ZNF700: variants seen among roughly 807,000 people sequenced by gnomAD.
The protein encoded by ZNF700 is zinc finger protein 700.
ZNF700 carries 38 observed loss-of-function variants against 65.3 expected under a neutral mutation model. The ratio of observed to expected loss-of-function variants is 0.58; its 90% CI spans 0.45 to 0.76. ZNF700 has a LOEUF of 0.76. Ranked by LOEUF, ZNF700 falls within the 30% of genes least tolerant of loss-of-function variation. The probability of loss-of-function intolerance (pLI) is 0.00; values close to 1 mark genes in which losing one functional copy is unlikely to be tolerated. For synonymous variants in ZNF700, 285 were observed against 290.4 expected (o/e 0.98, Z 0.19); for missense variants, 857 against 888.4 (o/e 0.96, Z 0.45).
At chr19:11,929,641 C>A (rs903513033) in intron 1 of ZNF700, among the ~76,000 whole-genome samples, 3 of 148,046 alleles carry the variant, frequency 2.0e-5, no homozygotes, top group Non-Finnish European at 2.9e-5. Context: ...GGACACTACA[C>A]ACAGTTCAGT....
At chr19:11,940,807 G>C (rs896559064) in intron 1 of ZNF700, among the ~76,000 whole-genome samples, 1 of 152,132 alleles carries the variant, frequency 6.6e-6, no homozygotes, top group Non-Finnish European at 1.5e-5. Context: ...CAATCCCTGA[G>C]CTAGACACAA....
intron 1 of ZNF700, among the ~76,000 whole-genome samples, chr19:11,931,691 A>T (rs1410940504): frequency 6.7e-6 from 1 of 148,430 alleles, no homozygotes; most frequent in African/African-American, 2.6e-5. Context: ...GTGATACTTA[A>T]TCTCCTTTTA....
chr19:11,930,456 A>G (rs548626309), intron 1 of ZNF700, among the ~76,000 whole-genome samples: 30 of 148,512 alleles, frequency 2.0e-4, no homozygotes, highest in Non-Finnish European at 4.0e-4. Flanking sequence ...GTTGAGTTTG[A>G]GTAAAGTTTA....
At chr19:11,935,895 C>G (rs1972788109) in intron 1 of ZNF700, among the ~76,000 whole-genome samples, 1 of 152,148 alleles carries the variant, frequency 6.6e-6, no homozygotes, top group Admixed American at 6.5e-5. Context: ...GTGTGATGTT[C>G]CCTGCCCTGT....
intron 3 of ZNF700, 47 bp from the exon 4 acceptor site, chr19:11,948,229 A>G: frequency 6.3e-7 from 1 of 1,578,942 alleles, no homozygotes; most frequent in East Asian, 2.2e-5. Context: ...TTAATATAGA[A>G]GTACTTGTAA....
chr19:11,941,089 C>T (rs1425616417), intron 1 of ZNF700, among the ~76,000 whole-genome samples: 2 of 152,226 alleles, frequency 1.3e-5, no homozygotes, highest in Non-Finnish European at 2.9e-5. Context: ...CATTCACAAA[C>T]CCTGAGCTAG....
chr19:11,947,630 G>A, intron 3 of ZNF700, 56 bp downstream of exon 3: 1 of 1,446,642 alleles, frequency 6.9e-7, no homozygotes, highest in Non-Finnish European at 9.6e-7. Flanking sequence ...TAGAATATGA[G>A]AATATGTTGA....
In ZNF700 at chr19:11,948,405, C is replaced by A. The variant is rs371245717; in HGVS notation, c.381C>A (p.Asp127Glu). The A allele has an allele frequency of 2.5e-6, 4 of 1,614,052 alleles. No individual in the cohort carries two copies. Among genetic ancestry groups the A allele is most frequent in the Admixed American group, 3.3e-5 (2 of 60,016 alleles). ...KKASPEVKSC[D>E]SFVCAEVGIG... is the part of the protein sequence containing the mutation. ...CTTCTCCTGAAGTAAAATCATGTGA[C>A]AGCTTTGTGTGTGCAGAAGTTGGCA... Residue 127 changes from aspartate to glutamate, a missense_variant, in exon 4 of 4, where the codon GAC (aspartate) becomes GAA (glutamate). Transcript: ENST00000254321.
chr19:11,932,264 A>T (rs1174741725), intron 1 of ZNF700, among the ~76,000 whole-genome samples: 3 of 148,278 alleles, frequency 2.0e-5, no homozygotes, highest in Non-Finnish European at 4.4e-5. Context: ...GGATCTGTTG[A>T]GCCTAGGAGT....
chr19:11,938,818 T>C (rs1939681778), intron 1 of ZNF700, among the ~76,000 whole-genome samples: 1 of 152,160 alleles, frequency 6.6e-6, no homozygotes, highest in Non-Finnish European at 1.5e-5. Context: ...TCCACAATGG[T>C]TGAACTAGTT....
In ZNF700 at chr19:11,930,791, A is replaced by G. The variant is rs536460337; in HGVS notation, c.63+5518A>G. On this transcript the variant is annotated intron_variant, in intron 1 of 3. Transcript: ENST00000254321. ...TGAGACTGGCATATCACCTGAGGTC[A>G]GGAGTTTGAGACCAGCCTGACCAAT... Among the ~76,000 whole-genome samples the G allele has an allele frequency of 2.0e-4, 29 of 148,162 alleles. 1 individual carries two copies. The highest frequency in any genetic ancestry group is 3.4e-3 in the Middle Eastern group (1 of 294).
chr19:11,945,713 C>T (rs944921728), intron 1 of ZNF700, among the ~76,000 whole-genome samples: 1 of 152,024 alleles, frequency 6.6e-6, no homozygotes, highest in Non-Finnish European at 1.5e-5. Context: ...GTCTTCATTC[C>T]TCCTCCTGGG....
chr19:11,948,317 G>A lies in ZNF700; in HGVS notation c.293G>A (p.Ser98Asn), dbSNP rs548010602. ...AAAGTCAATGAAATTAAAGAAGACA[G>A]TCATTGTGGAGAAACTTTTACCCAG... ...EEKVNEIKED[S>N]HCGETFTQVP... The change falls in exon 4 of 4, where the codon AGT becomes AAT. Residue 98 changes from serine (S) to asparagine (N), a missense_variant. Coordinates refer to ENST00000254321, the MANE Select transcript of ZNF700 (RefSeq NM_144566.3). 1.2e-6 allele frequency: 2 copies of A among 1,613,814 alleles called. No individual in the cohort carries two copies. Among genetic ancestry groups the A allele is most frequent in the South Asian group, 1.1e-5 (1 of 91,050 alleles).
Position 11,949,188 on chromosome 19 carries a change from A to G in ZNF700, c.1164A>G (p.Lys388=), listed in dbSNP as rs757258773. The change falls in exon 4 of 4, where the codon AAA becomes AAG. Residue 388 remains lysine (K), a synonymous_variant. Coordinates refer to ENST00000254321, the MANE Select transcript of ZNF700 (RefSeq NM_144566.3). The part of the protein sequence containing the change: ...QTHEKTHTGE[K]RYKCKQCGKA... ...ATGAAAAAACTCACACTGGAGAGAA[A>G]CGCTATAAATGCAAGCAATGTGGTA... 6.2e-6 allele frequency: 10 copies of G among 1,613,152 alleles called. No individual in the cohort carries two copies. The African/African-American group carries it at 9.4e-5, about 15-fold the overall frequency.
chr19:11,937,835 C>A (rs560121939), intron 1 of ZNF700, among the ~76,000 whole-genome samples: 3 of 152,156 alleles, frequency 2.0e-5, no homozygotes, highest in African/African-American at 7.2e-5. Flanking sequence ...CTTATGGAAT[C>A]TTCTCTTGTA....
At chr19:11,925,537 C>G (rs1225610053) in intron 1 of ZNF700, among the ~76,000 whole-genome samples, 1 of 152,178 alleles carries the variant, frequency 6.6e-6, no homozygotes, top group African/African-American at 2.4e-5. Flanking sequence ...GTTCCGCTCC[C>G]GCAGCCCCGC....
chr19:11,939,644 A>G (rs545782330), intron 1 of ZNF700, among the ~76,000 whole-genome samples: 1 of 152,274 alleles, frequency 6.6e-6, no homozygotes, highest in East Asian at 1.9e-4. Flanking sequence ...TATTTTTAGT[A>G]GAGATGGAGT....
chr19:11,941,250 C>T (rs1163012598), intron 1 of ZNF700, among the ~76,000 whole-genome samples: 1 of 152,264 alleles, frequency 6.6e-6, no homozygotes, highest in African/African-American at 2.4e-5. Context: ...GATCCTGCAC[C>T]AGGGCTGCAG....
Position 11,948,224 on chromosome 19 carries a change from A to G in ZNF700, c.252-52A>G, listed in dbSNP as rs978354562. On this transcript the variant is annotated intron_variant, in intron 3 of 3. Transcript: ENST00000254321. ...GCAAGTGCAATACTTGTTGATTAAT[A>G]TAGAAGTACTTGTAAACAAACCCTT... 9 of 1,571,024 alleles carry G rather than the reference A, an allele frequency of 5.7e-6. No individual in the cohort carries two copies. In the African/African-American group the frequency reaches 6.9e-5, roughly 12 times the overall value.
Sources: gnomAD v4.1 joint callset for allele counts (sites outside exome capture counted in the v4.1 genomes callset) on GRCh38, gnomAD v4.1.1 for gene constraint, MANE v1.5 for transcripts, NCBI Gene and HGNC (gene_info 2026-07-23, HGNC 2026-07-21) for gene names.